The following HIVEP1 variants were observed in gnomAD, a reference collection of about 807,000 sequenced individuals.
HIVEP1 encodes HIVEP zinc finger 1, also known as zinc finger protein 40.
In HIVEP1, 36 loss-of-function variants were observed where a neutral mutation model predicts 180.0. The ratio of observed to expected loss-of-function variants is 0.20; its 90% confidence interval spans 0.15 to 0.26. The LOEUF is 0.26. Among genes scored for constraint, HIVEP1 ranks in the 10% least tolerant of loss-of-function variants. The probability of loss-of-function intolerance (pLI) is 1.00; values close to 1 mark genes in which losing one functional copy is unlikely to be tolerated. For missense variants in HIVEP1, 3,143 were observed against 3,268.7 expected (o/e 0.96, Z 0.94); for synonymous variants, 1,239 against 1,239.0 (o/e 1.00, Z 0.00).
chr6:12,065,723 G>A (rs1324613353), intron 2 of HIVEP1, among the ~76,000 whole-genome samples: 1 of 150,562 alleles, frequency 6.6e-6, no homozygotes, highest in African/African-American at 2.4e-5. Flanking sequence ...GCATTGAATG[G>A]TTGTTACAAT....
At chr6:12,068,708 T>C (rs1199376463) in intron 2 of HIVEP1, among the ~76,000 whole-genome samples, 2 of 152,230 alleles carry the variant, frequency 1.3e-5, no homozygotes, top group Non-Finnish European at 2.9e-5. Context: ...CAGGCACTTA[T>C]ATACTTTCAG....
At position 12,123,096 on chromosome 6, in the gene HIVEP1, G is replaced by C; in HGVS notation, c.3301G>C (p.Glu1101Gln). The change falls in exon 4 of 9, where the codon GAG becomes CAG. Residue 1101 changes from glutamate to glutamine, a missense_variant. Coordinates refer to ENST00000379388, the MANE Select transcript of HIVEP1 (RefSeq NM_002114.4). ...SHIHLVARGP[E>Q]QTMDPKLSTI... Reference sequence around the variant, plus strand: ...TATTCACCTTGTTGCCAGGGGCCCTGAGCAGACCATGGATCCCAAGCTGTC... The same window carrying C: ...TATTCACCTTGTTGCCAGGGGCCCTCAGCAGACCATGGATCCCAAGCTGTC... The C allele has an allele frequency of 3.7e-6, 6 of 1,614,130 alleles. No homozygotes were observed. The highest frequency in any genetic ancestry group is 5.1e-6 in the Non-Finnish European group (6 of 1,180,018).
intron 2 of HIVEP1, among the ~76,000 whole-genome samples, chr6:12,039,796 G>C (rs917134547): frequency 7.9e-5 from 12 of 152,182 alleles, no homozygotes; most frequent in Non-Finnish European, 2.9e-5. Context: ...TGAGGAACAA[G>C]GGGAAGAAGC....
intron 2 of HIVEP1, among the ~76,000 whole-genome samples, chr6:12,065,440 T>C (rs772740000): frequency 1.3e-5 from 2 of 152,180 alleles, no homozygotes; most frequent in African/African-American, 2.4e-5. Context: ...TGCTCACACA[T>C]GAAAGATGAG....
At chr6:12,079,933 C>CATCT (rs60204350) in intron 2 of HIVEP1, among the ~76,000 whole-genome samples, 33,860 of 149,076 alleles carry the variant, frequency 0.23, 3,841 homozygotes, top group Middle Eastern at 0.26. Flanking sequence ...TTCCTGATGG[C>CATCT]ATCTATCTAT....
At chr6:12,202,655 A>C in the HIVEP1 span, among the ~76,000 whole-genome samples, 3 of 152,202 alleles carry the variant, frequency 2.0e-5, no homozygotes, top group East Asian at 5.8e-4. Context: ...GGTTGGATAA[A>C]CCAAGGAGTT....
chr6:12,170,764 G>A, the HIVEP1 span, among the ~76,000 whole-genome samples: 1 of 152,206 alleles, frequency 6.6e-6, no homozygotes, highest in African/African-American at 2.4e-5. Flanking sequence ...TACAGGGAAA[G>A]GAGCACGGGC....
intron 2 of HIVEP1, chr6:12,020,519 T>C (rs528116944): frequency 8.3e-5 from 38 of 457,810 alleles, no homozygotes; most frequent in African/African-American, 7.6e-4. Flanking sequence ...AGGCCTTCGC[T>C]TGGACCCTTG....
At chr6:12,091,694 T>G (rs1173180873) in intron 3 of HIVEP1, among the ~76,000 whole-genome samples, 1 of 152,116 alleles carries the variant, frequency 6.6e-6, no homozygotes, top group African/African-American at 2.4e-5. Context: ...TTTATTCTTT[T>G]TCTCTTTTGA....
chr6:12,026,360 G>A (rs968061705), intron 2 of HIVEP1, among the ~76,000 whole-genome samples: 11 of 152,198 alleles, frequency 7.2e-5, no homozygotes, highest in Admixed American at 2.0e-4. Flanking sequence ...AAACCTGAAT[G>A]AGGAGGAGTT....
intron 4 of HIVEP1, among the ~76,000 whole-genome samples, chr6:12,127,175 AATT>A (rs1471193957): frequency 6.6e-6 from 1 of 152,216 alleles, no homozygotes; most frequent in Non-Finnish European, 1.5e-5. Flanking sequence ...TAAAAAAAAA[AATT>A]AATAATACAC....
intron 2 of HIVEP1, among the ~76,000 whole-genome samples, chr6:12,064,804 T>C (rs190778187): frequency 6.6e-6 from 1 of 152,326 alleles, no homozygotes; most frequent in African/African-American, 2.4e-5. Context: ...TAGTGGCTGC[T>C]CTGTTTTTCC....
At chr6:12,176,883 C>G in the HIVEP1 span, among the ~76,000 whole-genome samples, 1 of 152,046 alleles carries the variant, frequency 6.6e-6, no homozygotes, top group Non-Finnish European at 1.5e-5. Context: ...TTTGGCTATT[C>G]ACAATAGCAA....
chr6:12,103,821 A>G (rs1382687230), intron 3 of HIVEP1, among the ~76,000 whole-genome samples: 1 of 152,118 alleles, frequency 6.6e-6, no homozygotes, highest in Non-Finnish European at 1.5e-5. Context: ...GTTAAAATAG[A>G]ATACAATATT....
chr6:12,174,568 G>GTTTGT, the HIVEP1 span, among the ~76,000 whole-genome samples: 48 of 151,586 alleles, frequency 3.2e-4, no homozygotes, highest in African/African-American at 1.1e-3. Flanking sequence ...AAAATGTTTT[G>GTTTGT]TTTGTTTTGT....
chr6:12,130,965 A>C (rs775993564), intron 6 of HIVEP1, 23 bp downstream of exon 6: 1 of 1,555,846 alleles, frequency 6.4e-7, no homozygotes, highest in African/African-American at 1.4e-5. Context: ...CATTGCTTCA[A>C]GGTCCTTTTA....
intron 2 of HIVEP1, among the ~76,000 whole-genome samples, chr6:12,032,094 A>G (rs1210003022): frequency 1.3e-5 from 2 of 150,906 alleles, no homozygotes; most frequent in African/African-American, 4.9e-5. Context: ...CATTCTGCAT[A>G]TTTAAAATCC....
the HIVEP1 span, among the ~76,000 whole-genome samples, chr6:12,198,555 T>C: frequency 6.6e-6 from 1 of 152,122 alleles, no homozygotes; most frequent in African/African-American, 2.4e-5. Flanking sequence ...TACATTGTAG[T>C]GGTAAGGAGA....
chr6:12,165,377 C>T (rs1458648950), downstream of HIVEP1, among the ~76,000 whole-genome samples: 4 of 152,294 alleles, frequency 2.6e-5, no homozygotes, highest in Middle Eastern at 3.4e-3. Flanking sequence ...CGTATAACCT[C>T]ATTTCCAGGC....
Sources: gnomAD v4.1 joint callset for allele counts (sites outside exome capture counted in the v4.1 genomes callset) on GRCh38, gnomAD v4.1.1 for gene constraint, MANE v1.5 for transcripts, NCBI Gene and HGNC (gene_info 2026-07-23, HGNC 2026-07-21) for gene names.